The following PPP2R3C variants were observed in gnomAD, a reference collection of about 807,000 sequenced individuals.
PPP2R3C encodes the protein protein phosphatase 2 regulatory subunit B''gamma.
A neutral mutation model predicts 63.7 loss-of-function variants in PPP2R3C; 47 were observed. The ratio of observed to expected loss-of-function variants is 0.74; its 90% confidence interval spans 0.58 to 0.94. PPP2R3C has a LOEUF of 0.94. Among genes scored for constraint, PPP2R3C ranks in the 40% least tolerant of loss-of-function variants. PPP2R3C has a pLI of 0.00. For missense variants in PPP2R3C, 421 were observed against 518.4 expected, an observed-to-expected ratio of 0.81 and a Z score of 1.82; for synonymous variants, 180 against 177.4, an observed-to-expected ratio of 1.01 and a Z score of -0.12.
At chr14:35,119,707 G>A (rs1308135663) in intron 1 of PPP2R3C, among the ~76,000 whole-genome samples, 1 of 152,038 alleles carries the variant, frequency 6.6e-6, no homozygotes, top group African/African-American at 2.4e-5. Flanking sequence ...GTTTGTGCTG[G>A]TGTAAATGAT....
At position 35,114,656 on chromosome 14, in the gene PPP2R3C, T is replaced by C. The variant is rs375089326; in HGVS notation, c.186+1954A>G. ...GCTTTTTATTTTTATTTTTTTTAAA[T>C]AGACAAAATAGACCTTAAGAAAAAA... On this transcript the variant is annotated intron_variant, in intron 2 of 12. Coordinates refer to ENST00000261475, the MANE Select transcript of PPP2R3C (RefSeq NM_017917.4). Among the ~76,000 whole-genome samples the C allele has an allele frequency of 7.2e-4, 109 of 151,622 alleles. 2 individuals are homozygous for C. The South Asian group carries it at 0.021, about 29-fold the overall frequency.
chr14:35,118,868 G>A (rs1234165304), intron 1 of PPP2R3C, among the ~76,000 whole-genome samples: 3 of 152,008 alleles, frequency 2.0e-5, no homozygotes, highest in South Asian at 2.1e-4. Context: ...TGGCCAGGCT[G>A]GTCTGTCTCC....
At chr14:35,090,116 C>G (rs182656098) in intron 11 of PPP2R3C, among the ~76,000 whole-genome samples, 1 of 151,960 alleles carries the variant, frequency 6.6e-6, no homozygotes, top group African/African-American at 2.4e-5. Flanking sequence ...GGCTGTACTA[C>G]CATTGGAAAT....
chr14:35,105,211 C>A (rs1328669938), intron 6 of PPP2R3C, among the ~76,000 whole-genome samples: 1 of 150,574 alleles, frequency 6.6e-6, no homozygotes, highest in Non-Finnish European at 1.5e-5. Flanking sequence ...TTGAGACAGT[C>A]CGCTCTTGTC....
rs560727142 is a variant in PPP2R3C at position 35,103,183 on chromosome 14, A to G, written c.574-3799T>C. On this transcript the variant is annotated intron_variant, in intron 6 of 12. Coordinates refer to ENST00000261475, the MANE Select transcript of PPP2R3C (RefSeq NM_017917.4). Reference sequence around the variant, plus strand: ...TTCCCGTTAGCCTCAAAATAAATCCAAAGTCCTTACTGTGGCCCAAAAGGC... The same window carrying G: ...TTCCCGTTAGCCTCAAAATAAATCCGAAGTCCTTACTGTGGCCCAAAAGGC... Among the ~76,000 whole-genome samples the G allele has an allele frequency of 3.3e-5, 5 of 152,316 alleles. No individual in the cohort carries two copies. In the South Asian group the frequency reaches 1.0e-3, roughly 32 times the overall value.
chr14:35,092,932 C>G (rs1398103347), intron 10 of PPP2R3C, among the ~76,000 whole-genome samples: 1 of 152,038 alleles, frequency 6.6e-6, no homozygotes, highest in African/African-American at 2.4e-5. Flanking sequence ...ATGAAGAGAA[C>G]AGAAAGCCTT....
chr14:35,107,456 G>A, intron 5 of PPP2R3C, 82 bp from the exon 6 acceptor site: 3 of 1,135,498 alleles, frequency 2.6e-6, no homozygotes, highest in Non-Finnish European at 4.0e-6. Flanking sequence ...CCAGATTTGA[G>A]ACAAGCTAAT....
intron 1 of PPP2R3C, among the ~76,000 whole-genome samples, chr14:35,120,915 C>T (rs749401334): frequency 6.6e-6 from 1 of 151,912 alleles, no homozygotes; most frequent in East Asian, 1.9e-4. Context: ...CGCTGCACTC[C>T]AGCCTGGGCA....
At chr14:35,107,507 T>G in intron 5 of PPP2R3C, 133 bp from the exon 6 acceptor site, 1 of 701,284 alleles carries the variant, frequency 1.4e-6, no homozygotes. Flanking sequence ...ACAAAATTGC[T>G]TGAAACAAAA....
At chr14:35,122,003 C>T, upstream of PPP2R3C, 1 of 1,608,832 alleles carries the variant, frequency 6.2e-7, no homozygotes, top group Non-Finnish European at 8.5e-7. Context: ...TGTTTCCTAC[C>T]TGCTCCACCC....
At chr14:35,115,519 C>A (rs1296029000) in intron 2 of PPP2R3C, among the ~76,000 whole-genome samples, 1 of 152,016 alleles carries the variant, frequency 6.6e-6, no homozygotes, top group African/African-American at 2.4e-5. Context: ...AGTGCAGTGA[C>A]CCTACCATGA....
In PPP2R3C at chr14:35,107,299, C is replaced by T; in HGVS notation, c.573+5G>A. The T allele has an allele frequency of 6.3e-7, 1 of 1,583,676 alleles. No individual in the cohort carries two copies. The highest frequency in any genetic ancestry group is 8.7e-7 in the Non-Finnish European group (1 of 1,152,378). Reference sequence around the variant, plus strand: ...TAATATAATATCTATAAGGTTAACACTTACAGATTCCCGAAGGTACCCCTG... The same window carrying T: ...TAATATAATATCTATAAGGTTAACATTTACAGATTCCCGAAGGTACCCCTG... On this transcript the variant is annotated splice_donor_5th_base_variant and intron_variant, in intron 6 of 12. Transcript: ENST00000261475.
In PPP2R3C at chr14:35,110,588, CTCTCT is replaced by C; in HGVS notation, c.223_227del (p.Arg75GlyfsTer17). 1 of 1,612,094 alleles carries C rather than the reference CTCTCT, an allele frequency of 6.2e-7. No homozygotes were observed. The highest frequency in any genetic ancestry group is 8.5e-7 in the Non-Finnish European group (1 of 1,179,402). ...TTTGTAGAAAGACAGCTCTTGATTCCTCTCTTAATTTCTGTAGTAAGACTTCATCT... is the reference window on the plus strand; with the variant it reads ...TTTGTAGAAAGACAGCTCTTGATTCCTAATTTCTGTAGTAAGACTTCATCT... On this transcript the variant is annotated frameshift_variant, in exon 3 of 13. Coordinates refer to ENST00000261475, the MANE Select transcript of PPP2R3C (RefSeq NM_017917.4). LOFTEE classifies it high-confidence loss of function.
chr14:35,121,104 C>T (rs6571694), intron 1 of PPP2R3C, among the ~76,000 whole-genome samples: 23,876 of 151,950 alleles, frequency 0.16, 2,068 homozygotes, highest in Middle Eastern at 0.23. Flanking sequence ...CTCGGCGGGG[C>T]GCGGTGACTC....
At chr14:35,099,190 TATTGAG>T in intron 7 of PPP2R3C, 56 bp downstream of exon 7, 1 of 1,396,726 alleles carries the variant, frequency 7.2e-7, no homozygotes, top group East Asian at 2.9e-5. Flanking sequence ...TTTCTCTAGT[TATTGAG>T]ATTTAGATAT....
chr14:35,108,974 G>A (rs2138688609), intron 4 of PPP2R3C, among the ~76,000 whole-genome samples: 1 of 151,838 alleles, frequency 6.6e-6, no homozygotes, highest in Admixed American at 6.6e-5. Flanking sequence ...TGCAGAGATG[G>A]GCACGTGAGC....
chr14:35,085,822 T>A (rs1039827500), intron 12 of PPP2R3C, 44 bp from the exon 13 acceptor site: 7 of 1,502,762 alleles, frequency 4.7e-6, no homozygotes, highest in Non-Finnish European at 6.4e-6. Flanking sequence ...TCCACTTAAT[T>A]TCTATCACAC....
intron 6 of PPP2R3C, chr14:35,101,227 G>A (rs2138655178): frequency 6.6e-6 from 1 of 152,398 alleles, no homozygotes; most frequent in African/African-American, 2.4e-5. Context: ...TGCCTGCCTT[G>A]GCCTCCCAAA....
intron 4 of PPP2R3C, among the ~76,000 whole-genome samples, chr14:35,108,610 A>C (rs960674152): frequency 6.6e-6 from 1 of 152,014 alleles, no homozygotes; most frequent in Non-Finnish European, 1.5e-5. Context: ...CCCAGCCAAT[A>C]TTTGAGGCAT....
Sources: gnomAD v4.1 joint callset for allele counts (sites outside exome capture counted in the v4.1 genomes callset) on GRCh38, gnomAD v4.1.1 for gene constraint, MANE v1.5 for transcripts, NCBI Gene and HGNC (gene_info 2026-07-23, HGNC 2026-07-21) for gene names.